Variants in MBD5 observed in about 807,000 individuals in gnomAD.
MBD5 encodes methyl-CpG-binding domain protein 5.
Under a neutral mutation model 117.3 loss-of-function variants are expected in MBD5, and 13 were observed. The observed-to-expected ratio is 0.11, with a 90% CI of 0.07 to 0.18. The LOEUF is 0.18. Among genes scored for constraint, MBD5 ranks in the 10% least tolerant of loss-of-function variants. MBD5 has a pLI of 1.00. For missense variants in MBD5, 1,879 were observed against 2,093.8 expected (o/e 0.90, Z 2.00); for synonymous variants, 727 against 766.4 (o/e 0.95, Z 0.85).
chr2:148,259,393 C>G (rs561440884), intron 3 of MBD5, among the ~76,000 whole-genome samples: 1 of 152,290 alleles, frequency 6.6e-6, no homozygotes, highest in South Asian at 2.1e-4. Context: ...TGCTGGGGAC[C>G]CATCTACCTC....
chr2:148,503,508 G>T (rs1246103634), intron 12 of MBD5, among the ~76,000 whole-genome samples: 1 of 152,114 alleles, frequency 6.6e-6, no homozygotes, highest in Non-Finnish European at 1.5e-5. Flanking sequence ...TTCACTTTAT[G>T]GTGTTTCCCA....
intron 1 of MBD5, among the ~76,000 whole-genome samples, chr2:148,091,924 G>T (rs1363548879): frequency 6.6e-6 from 1 of 152,108 alleles, no homozygotes; most frequent in Non-Finnish European, 1.5e-5. Context: ...TCTGACAAAG[G>T]ACTAATATCT....
chr2:148,492,643 T>C (rs1212808728), intron 11 of MBD5, among the ~76,000 whole-genome samples: 1 of 152,112 alleles, frequency 6.6e-6, no homozygotes, highest in Non-Finnish European at 1.5e-5. Context: ...AACTAAGTAC[T>C]ACTTCATAAA....
chr2:148,222,852 A>G (rs1215224070), intron 2 of MBD5, among the ~76,000 whole-genome samples: 2 of 151,992 alleles, frequency 1.3e-5, no homozygotes, highest in East Asian at 1.9e-4. Flanking sequence ...CATCTTCCAG[A>G]TCTTATACAA....
chr2:148,449,079 G>A (rs765602131), intron 4 of MBD5, among the ~76,000 whole-genome samples: 13 of 151,978 alleles, frequency 8.6e-5, no homozygotes, highest in South Asian at 2.1e-4. Context: ...AGATGTTCTG[G>A]TATAACTCGT....
rs1693725315 is a variant in MBD5, at chr2:148,021,489, GCTGCTGCTA to G, written c.-1111_-1103del. The G allele has an allele frequency of 3.5e-6, 2 of 577,568 alleles. No homozygotes were observed. Among genetic ancestry groups the G allele is most frequent in the East Asian group, 4.5e-5 (1 of 22,428 alleles). 35.8% of individuals were successfully genotyped at this position (577,568 alleles called of 1,614,324 possible). On this transcript the variant is annotated 5_prime_UTR_variant, in exon 1 of 14. Coordinates refer to ENST00000642680, the MANE Select transcript of MBD5 (RefSeq NM_001378120.1). ...TGCTGCTGCTGCTGCTGTTGCTGCT[GCTGCTGCTA>G]CTGCTGCTGCTGCTACTGCTGCTGC...
intron 4 of MBD5, among the ~76,000 whole-genome samples, chr2:148,444,537 C>T (rs753250358): frequency 9.3e-5 from 14 of 150,912 alleles, no homozygotes; most frequent in Non-Finnish European, 1.3e-4. Context: ...AAAATGAGTA[C>T]GATATTAGAA....
chr2:148,155,505 C>T (rs1697851130), intron 1 of MBD5, among the ~76,000 whole-genome samples: 1 of 152,110 alleles, frequency 6.6e-6, no homozygotes, highest in African/African-American at 2.4e-5. Context: ...TTCTCTTTGT[C>T]CTTTGTCCTC....
chr2:148,337,656 CTA>C (rs1219345314), intron 3 of MBD5, among the ~76,000 whole-genome samples: 1 of 149,576 alleles, frequency 6.7e-6, no homozygotes, highest in African/African-American at 2.5e-5. Flanking sequence ...CTTTAAAATT[CTA>C]TGTCATGTGA....
chr2:148,176,071 A>T (rs906432118), intron 1 of MBD5, among the ~76,000 whole-genome samples: 1 of 152,160 alleles, frequency 6.6e-6, no homozygotes, highest in African/African-American at 2.4e-5. Context: ...GGTTCTTATT[A>T]AAAAAGATAA....
At position 148,483,834 on chromosome 2, in the gene MBD5, A is replaced by G. The variant is rs955219474; in HGVS notation, c.3243A>G (p.Gly1081=). ...LFLPAVNGAS[G]LMTLNPQLLG... ...TCCCAGCTGTCAATGGGGCCTCAGG[A>G]TTAATGACCTTGAATCCCCAGCTGT... The change falls in exon 9 of 14, where the codon GGA becomes GGG. Residue 1081 remains glycine (G), a synonymous_variant. Transcript: ENST00000642680. 3 of 1,550,434 alleles carry G rather than the reference A, an allele frequency of 1.9e-6. No individual in the cohort carries two copies. The highest frequency in any genetic ancestry group is 1.4e-5 in the African/African-American group (1 of 73,048).
At chr2:148,089,303 G>A (rs529699843) in intron 1 of MBD5, among the ~76,000 whole-genome samples, 40 of 151,838 alleles carry the variant, frequency 2.6e-4, no homozygotes, top group Admixed American at 1.2e-3. Flanking sequence ...TCATCAAGAC[G>A]GAATGTCAAC....
intron 3 of MBD5, among the ~76,000 whole-genome samples, chr2:148,307,408 A>G (rs570685103): frequency 1.4e-3 from 209 of 151,948 alleles, no homozygotes; most frequent in Admixed American, 2.5e-3. Context: ...ACAAACTTTT[A>G]CAACCATTTT....
At chr2:148,301,198 G>C (rs1194531218) in intron 3 of MBD5, among the ~76,000 whole-genome samples, 1 of 152,170 alleles carries the variant, frequency 6.6e-6, no homozygotes, top group African/African-American at 2.4e-5. Flanking sequence ...AAGAAGGAAA[G>C]AAAACACATT....
chr2:148,502,418 C>A lies in MBD5; in HGVS notation c.4963-18C>A. The A allele has an allele frequency of 6.2e-7, 1 of 1,613,148 alleles. No homozygotes were observed. The highest frequency in any genetic ancestry group is 8.5e-7 in the Non-Finnish European group (1 of 1,179,254). Reference sequence around the variant, plus strand: ...ACAGGTCTGGGTAATGTGGTTTGGTCTTCATACCTTCACTCAGGTGGAGCC... The same window carrying A: ...ACAGGTCTGGGTAATGTGGTTTGGTATTCATACCTTCACTCAGGTGGAGCC... On this transcript the variant is annotated intron_variant, in intron 11 of 13. Coordinates refer to ENST00000642680, the MANE Select transcript of MBD5 (RefSeq NM_001378120.1).
chr2:148,114,025 G>T (rs1158655168), intron 1 of MBD5, among the ~76,000 whole-genome samples: 1 of 151,904 alleles, frequency 6.6e-6, no homozygotes, highest in East Asian at 1.9e-4. Flanking sequence ...TGTATATTTG[G>T]CTGTATAATA....
chr2:148,217,281 T>C (rs1371572105), intron 2 of MBD5, among the ~76,000 whole-genome samples: 3 of 152,136 alleles, frequency 2.0e-5, no homozygotes, highest in Non-Finnish European at 4.4e-5. Context: ...CCACCCCTGC[T>C]CCTCTCAGAG....
chr2:148,222,539 T>G (rs1699715572), intron 2 of MBD5, among the ~76,000 whole-genome samples: 1 of 152,114 alleles, frequency 6.6e-6, no homozygotes. Context: ...GATTCCATTT[T>G]TAGTTTCTTT....
At chr2:148,025,487 C>G (rs1693866462) in intron 1 of MBD5, 1 of 150,420 alleles carries the variant, frequency 6.6e-6, no homozygotes, top group African/African-American at 2.4e-5. Flanking sequence ...ATTTTTATTG[C>G]TAACCGTAAT....
Sources: gnomAD v4.1 joint callset for allele counts (sites outside exome capture counted in the v4.1 genomes callset) on GRCh38, gnomAD v4.1.1 for gene constraint, MANE v1.5 for transcripts, NCBI Gene and HGNC (gene_info 2026-07-23, HGNC 2026-07-21) for gene names.